Variants in CHRNE observed in about 807,000 individuals in gnomAD.
The protein encoded by CHRNE is cholinergic receptor nicotinic epsilon subunit.
In CHRNE, 58 loss-of-function variants were observed where a neutral mutation model predicts 56.5. That is an observed-to-expected ratio of 1.03 (90% CI 0.83 to 1.28). The LOEUF is 1.28. CHRNE is among the 50% of genes most tolerant of loss of function. The probability of loss-of-function intolerance (pLI) is 0.00; values close to 1 mark genes in which losing one functional copy is unlikely to be tolerated. For synonymous variants in CHRNE, 385 were observed against 297.9 expected (o/e 1.29, Z -3.01); for missense variants, 793 against 688.9 (o/e 1.15, Z -1.69).
chr17:4,899,037 C>T lies in CHRNE; in HGVS notation c.1290G>A (p.Val430=), dbSNP rs1416247967. Reference sequence around the variant, plus strand: ...CCTCCTGATCTCTCGTGCTCTCGGCCACGAAGTTCACGGCATCCACACAGC... The same window carrying T: ...CCTCCTGATCTCTCGTGCTCTCGGCTACGAAGTTCACGGCATCCACACAGC... The part of the protein sequence containing the change: ...VRCCVDAVNF[V]AESTRDQEAT... Residue 430 remains valine (V), a synonymous_variant, in exon 11 of 12, where the codon GTG becomes GTA. Transcript: ENST00000649488. 2.5e-6 allele frequency: 4 copies of T among 1,610,982 alleles called. No individual in the cohort carries two copies. The highest frequency in any genetic ancestry group is 2.2e-5 in the East Asian group (1 of 44,838).
chr17:4,907,379 T>A (rs372245347), upstream of CHRNE, among the ~76,000 whole-genome samples: 4 of 151,208 alleles, frequency 2.6e-5, no homozygotes, highest in African/African-American at 7.3e-5. Context: ...CTGGCTAGCA[T>A]GGTGAAACCC....
Position 4,898,389 on chromosome 17 carries a change from G to T in CHRNE, c.*347C>A, listed in dbSNP as rs1477427460. 1 of 366,816 alleles carries T rather than the reference G, an allele frequency of 2.7e-6. No individual in the cohort carries two copies. The highest frequency in any genetic ancestry group is 5.2e-6 in the Non-Finnish European group (1 of 191,388). The allele number at this position is 366,816 out of a possible 1,614,324, so 22.7% of individuals were successfully genotyped here. ...GTCCTGCAAAGGGGTCTCCTGTTTG[G>T]CTATGAAATGAATATAGATAGATAG... On this transcript the variant is annotated 3_prime_UTR_variant, in exon 12 of 12. Transcript: ENST00000649488.
intron 8 of CHRNE, chr17:4,900,119 G>T (rs1443109829): frequency 1.3e-6 from 2 of 1,550,686 alleles, no homozygotes; most frequent in Admixed American, 2.0e-5. Flanking sequence ...AGCCAGCCTC[G>T]TGAGCTTCGG....
intron 11 of CHRNE, 28 bp from the exon 12 acceptor site, chr17:4,898,919 AGAGGCAGCTGCAG>A (rs759383923): frequency 6.4e-7 from 1 of 1,569,186 alleles, no homozygotes; most frequent in South Asian, 1.2e-5. Context: ...CAGTCAGTAA[AGAGGCAGCTGCAG>A]GAGCCAGCGG....
rs1037809973 is a variant in CHRNE at position 4,902,144 on chromosome 17, C to A, written c.345-57G>T. The stretch of plus-strand genomic sequence containing the variant: ...CAGGTCTGCACCCTCTCAGAGTACC[C>A]CCTTCCCCAACCAAGTCCAGCCCGC... On this transcript the variant is annotated intron_variant, in intron 4 of 11. Transcript: ENST00000649488. This position sits in a 1 kb window ranked among gnomAD's most constrained non-coding sequence, Gnocchi z 4.0. The A allele has an allele frequency of 2.0e-5, 32 of 1,613,932 alleles. No homozygotes were observed. The highest frequency in any genetic ancestry group is 2.1e-5 in the Non-Finnish European group (25 of 1,179,902).
rs528584911 is a variant in CHRNE at position 4,898,776 on chromosome 17, C to G, written c.1442G>C (p.Arg481Pro). ...CGGCGCGTAGGGGAGATCAGGCACT[C>G]GGTTGAAGTAGGCCCCGAGGAAGAT... ...SLIFLGAYFNRVPDLPYAPCI... is the reference protein window; with the variant it reads ...SLIFLGAYFNPVPDLPYAPCI... The change falls in exon 12 of 12, where the codon CGA becomes CCA. Residue 481 changes from arginine (R) to proline (P), a missense_variant. Transcript: ENST00000649488. The G allele has an allele frequency of 6.2e-7, 1 of 1,610,148 alleles. No individual in the cohort carries two copies. Among genetic ancestry groups the G allele is most frequent in the Non-Finnish European group, 8.5e-7 (1 of 1,178,658 alleles).
intron 8 of CHRNE, chr17:4,899,906 T>C (rs1035246165): frequency 9.7e-6 from 15 of 1,549,010 alleles, no homozygotes; most frequent in Non-Finnish European, 1.3e-5. Flanking sequence ...ACCCCTGCCC[T>C]GCTACTCTAC....
intron 11 of CHRNE, 36 bp downstream of exon 11, chr17:4,898,965 C>G: frequency 7.9e-7 from 1 of 1,273,372 alleles, no homozygotes; most frequent in Non-Finnish European, 1.0e-6. Flanking sequence ...TGGTGGGCCT[C>G]TGCCTCGCTC....
chr17:4,899,714 G>A lies in CHRNE; in HGVS notation c.918-132C>T, dbSNP rs377353872. 1.3e-4 allele frequency: 202 copies of A among 1,521,822 alleles called. No individual in the cohort carries two copies. In the African/African-American group the frequency reaches 2.4e-3, roughly 18 times the overall value. 94.3% of individuals were successfully genotyped at this position (1,521,822 alleles called of 1,614,324 possible). ...CCTCCAGCTGCGCCCCCTACACGAC[G>A]ACAGACGCGTCCCCCAGCCCTTCTC... On this transcript the variant is annotated intron_variant, in intron 8 of 11. Transcript: ENST00000649488.
chr17:4,900,723 G>C (rs1597618439), intron 8 of CHRNE, 70 bp downstream of exon 8: 1 of 1,511,200 alleles, frequency 6.6e-7, no homozygotes, highest in East Asian at 2.4e-5. Context: ...GCTTTTCCCG[G>C]GGTCTCTGGG....
chr17:4,902,756 A>G lies in CHRNE; in HGVS notation c.54T>C (p.Gly18=). 1 of 1,613,856 alleles carries G rather than the reference A, an allele frequency of 6.2e-7. No individual in the cohort carries two copies. The highest frequency in any genetic ancestry group is 8.5e-7 in the Non-Finnish European group (1 of 1,179,986). ...GACGCAGTTCCTCGTTCTTCCCCAC[A>G]CCCCTGCCTGCGATGGGGTCAAGAA... ...VLLLLGLLGR[G]VGKNEELRLY... Residue 18 remains glycine (G), a synonymous_variant, in exon 2 of 12, where the codon GGT becomes GGC. Transcript: ENST00000649488. The surrounding 1 kb of genome is among the most constrained non-coding windows in gnomAD (Gnocchi z 4.0).
chr17:4,903,617 C>G (rs1317135546), upstream of CHRNE, among the ~76,000 whole-genome samples: 1 of 152,126 alleles, frequency 6.6e-6, no homozygotes, highest in African/African-American at 2.4e-5. Context: ...CCCTGCGGTA[C>G]AGAGATTCCA....
rs551251860 is a variant in CHRNE, at chr17:4,898,469, G to A, written c.*267C>T. 6.3e-4 allele frequency: 341 copies of A among 541,446 alleles called. 2 individuals are homozygous for A. Among genetic ancestry groups the A allele is most frequent in the African/African-American group, 6.0e-3 (317 of 52,798 alleles). The allele number at this position is 541,446 out of a possible 1,614,324, so 33.5% of individuals were successfully genotyped here. ...TGGGGCTGAGCCTTAGAAAGGCTGG[G>A]AGGTCAGCAAGGCTGAATGAAGGGC... On this transcript the variant is annotated 3_prime_UTR_variant, in exon 12 of 12. Transcript: ENST00000649488.
upstream of CHRNE, among the ~76,000 whole-genome samples, chr17:4,904,069 G>T (rs1970056662): frequency 6.6e-6 from 1 of 152,194 alleles, no homozygotes; most frequent in African/African-American, 2.4e-5. Context: ...ATGTTAGCCA[G>T]GATGGTCTCG....
At position 4,902,418 on chromosome 17, in the gene CHRNE, A is replaced by G; in HGVS notation, c.234+32T>C. The G allele has an allele frequency of 6.2e-7, 1 of 1,614,188 alleles. No individual in the cohort carries two copies. The highest frequency in any genetic ancestry group is 1.6e-4 in the Middle Eastern group (1 of 6,062). Reference sequence around the variant, plus strand: ...TGGGGGAAAAGGGGTGCCCTGGACAAGACCTCACACCATTCCCCAGATTTG... The same window carrying G: ...TGGGGGAAAAGGGGTGCCCTGGACAGGACCTCACACCATTCCCCAGATTTG... On this transcript the variant is annotated intron_variant, in intron 3 of 11. Transcript: ENST00000649488. The surrounding 1 kb of genome is among the most constrained non-coding windows in gnomAD (Gnocchi z 4.0).
Position 4,901,518 on chromosome 17 carries a change from G to T in CHRNE, c.601+7C>A, listed in dbSNP as rs748517215. The T allele has an allele frequency of 1.2e-6, 2 of 1,613,498 alleles. No individual in the cohort carries two copies. Among genetic ancestry groups the T allele is most frequent in the Middle Eastern group, 1.6e-4 (1 of 6,062 alleles). The stretch of plus-strand genomic sequence containing the variant: ...AGCGGGTTTTTCTGAGCAGGCAGGG[G>T]CTTCACCAGTATAGGCCTCTGTGTC... On this transcript the variant is annotated splice_region_variant and intron_variant, in intron 6 of 11. Coordinates refer to ENST00000649488, the MANE Select transcript of CHRNE (RefSeq NM_000080.4).
rs1271570017 is a variant in CHRNE, at chr17:4,898,583, C to G, written c.*153G>C. The stretch of plus-strand genomic sequence containing the variant: ...CCTGGACTGCGGCCAGGCCTACACA[C>G]GCCAGGGAACGGGCACACACCATTC... On this transcript the variant is annotated 3_prime_UTR_variant, in exon 12 of 12. Transcript: ENST00000649488. 9.4e-7 allele frequency: 1 copy of G among 1,067,850 alleles called. No homozygotes were observed. The highest frequency in any genetic ancestry group is 2.6e-5 in the East Asian group (1 of 38,482). The allele number at this position is 1,067,850 out of a possible 1,614,324, so 66.1% of individuals were successfully genotyped here.
chr17:4,905,483 T>A (rs887516172), upstream of CHRNE, among the ~76,000 whole-genome samples: 3 of 152,296 alleles, frequency 2.0e-5, no homozygotes, highest in South Asian at 4.1e-4. Context: ...GAGGATTGCT[T>A]GACCCTAAGA....
chr17:4,901,168 G>A lies in CHRNE; in HGVS notation c.624C>T (p.Asp208=). Residue 208 remains aspartate (D), a synonymous_variant, in exon 7 of 12, where the codon GAC becomes GAT. Transcript: ENST00000649488. ...GGCGGCGGATCACCCCCGGGCAGAA[G>A]TCGATGGCCCACTCGCCGTTCTCTG... ...AYTENGEWAI[D]FCPGVIRRHH... is the part of the protein sequence containing the mutation. The A allele has an allele frequency of 6.2e-7, 1 of 1,607,690 alleles. No individual in the cohort carries two copies. The highest frequency in any genetic ancestry group is 8.5e-7 in the Non-Finnish European group (1 of 1,179,490).
Sources: allele counts gnomAD v4.1 joint callset (sites outside exome capture counted in the v4.1 genomes callset), GRCh38; gene constraint gnomAD v4.1.1; non-coding constraint Gnocchi (gnomAD v3.1); transcripts MANE v1.5; gene names NCBI Gene and HGNC (gene_info 2026-07-23, HGNC 2026-07-21).